Variants in EPG5 observed in about 807,000 individuals in gnomAD.
The protein encoded by EPG5 is ectopic P-granules 5 autophagy tethering factor.
Under a neutral mutation model 302.7 loss-of-function variants are expected in EPG5, and 159 were observed. The observed-to-expected ratio is 0.53, with a 90% CI of 0.46 to 0.60. The LOEUF is 0.60. Ranked by LOEUF, EPG5 falls within the 20% of genes least tolerant of loss-of-function variation. EPG5 has a pLI of 0.00. For synonymous variants in EPG5, 1,158 were observed against 1,136.8 expected (o/e 1.02, Z -0.37); for missense variants, 2,896 against 3,092.4 (o/e 0.94, Z 1.51).
intron 2 of EPG5, among the ~76,000 whole-genome samples, chr18:45,954,164 C>T (rs1428048505): frequency 6.6e-6 from 1 of 152,216 alleles, no homozygotes; most frequent in Admixed American, 6.5e-5. Flanking sequence ...ACGGCTGTCC[C>T]ATCTAAACCA....
At chr18:45,856,703 A>G (rs1014417444) in intron 42 of EPG5, among the ~76,000 whole-genome samples, 10 of 152,246 alleles carry the variant, frequency 6.6e-5, no homozygotes, top group Admixed American at 4.6e-4. Flanking sequence ...AAGTTACAAC[A>G]TCACAATGGG....
Position 45,954,976 on chromosome 18 carries a change from C to T in EPG5, c.426G>A (p.Glu142=), listed in dbSNP as rs2050992874. 1.9e-6 allele frequency: 3 copies of T among 1,614,092 alleles called. No individual in the cohort carries two copies. The highest frequency in any genetic ancestry group is 2.5e-6 in the Non-Finnish European group (3 of 1,180,008). Residue 142 remains glutamate (E), a synonymous_variant, in exon 2 of 44, where the codon GAG becomes GAA. Coordinates refer to ENST00000282041, the MANE Select transcript of EPG5 (RefSeq NM_020964.3). The part of the protein sequence containing the change: ...VETPKNFTEV[E]ENMSVQGGLS... Reference sequence around the variant, plus strand: ...GTCCACCTTGTACCGACATATTTTCCTCTACCTCTGTGAAGTTCTTGGGGG... The same window carrying T: ...GTCCACCTTGTACCGACATATTTTCTTCTACCTCTGTGAAGTTCTTGGGGG...
chr18:45,899,363 A>C, intron 27 of EPG5, 41 bp downstream of exon 27: 2 of 1,609,072 alleles, frequency 1.2e-6, no homozygotes, highest in Non-Finnish European at 1.7e-6. Context: ...TTACGGACTC[A>C]ATTAAAATTC....
At position 45,955,155 on chromosome 18, in the gene EPG5, C is replaced by T. The variant is rs2050999243; in HGVS notation, c.247G>A (p.Val83Ile). The T allele has an allele frequency of 3.7e-6, 6 of 1,614,050 alleles. No individual in the cohort carries two copies. Among genetic ancestry groups the T allele is most frequent in the East Asian group, 2.2e-5 (1 of 44,872 alleles). ...CTTATAGTTAAGGAGGTGAGTGGTACATCAAACATTTCACTCTCATTTTGT... is the reference window on the plus strand; with the variant it reads ...CTTATAGTTAAGGAGGTGAGTGGTATATCAAACATTTCACTCTCATTTTGT... ...SGQNESEMFD[V>I]PLTSLTISNE... The change falls in exon 2 of 44, where the codon GTA (valine) becomes ATA (isoleucine). Residue 83 changes from valine to isoleucine, a missense_variant. By Grantham distance (29) the Val-to-Ile change is conservative. Transcript: ENST00000282041.
At chr18:45,951,428 T>C (rs989806788) in intron 3 of EPG5, among the ~76,000 whole-genome samples, 190 bp from the exon 4 acceptor site, 1 of 151,806 alleles carries the variant, frequency 6.6e-6, no homozygotes, top group African/African-American at 2.4e-5. Flanking sequence ...CTTTGAAGTA[T>C]TTCAAAATAA....
Position 45,955,173 on chromosome 18 carries a change from C to T in EPG5, c.229G>A (p.Glu77Lys). The T allele has an allele frequency of 6.2e-7, 1 of 1,614,130 alleles. No individual in the cohort carries two copies. The highest frequency in any genetic ancestry group is 8.5e-7 in the Non-Finnish European group (1 of 1,180,028). ...AGTGGTACATCAAACATTTCACTCT[C>T]ATTTTGTCCACTGGCATCATCCTGG... ...QLQDDASGQN[E>K]SEMFDVPLTS... The change falls in exon 2 of 44, where the codon GAG becomes AAG. Residue 77 changes from glutamate (E) to lysine (K), a missense_variant. This residue lies in a region of EPG5 where 1,390 missense variants were observed against 1,430.0 expected (regional missense o/e 0.97). Transcript: ENST00000282041.
intron 6 of EPG5, among the ~76,000 whole-genome samples, chr18:45,947,784 T>C (rs1179160347): frequency 6.6e-6 from 1 of 152,128 alleles, no homozygotes; most frequent in Non-Finnish European, 1.5e-5. Flanking sequence ...TCTTTTTTTT[T>C]TTCTTTCAGT....
chr18:45,840,053 G>A, the EPG5 span, among the ~76,000 whole-genome samples: 1 of 152,190 alleles, frequency 6.6e-6, no homozygotes, highest in Non-Finnish European at 1.5e-5. Context: ...TCCCCAGCAG[G>A]GTTCCATGGC....
intron 9 of EPG5, among the ~76,000 whole-genome samples, 186 bp downstream of exon 9, chr18:45,942,975 C>T (rs565651397): frequency 6.6e-6 from 1 of 152,202 alleles, no homozygotes; most frequent in Non-Finnish European, 1.5e-5. Context: ...AGATAATTAA[C>T]GAAATACTCT....
chr18:45,941,704 C>T (rs960572318), intron 9 of EPG5, among the ~76,000 whole-genome samples: 3 of 152,204 alleles, frequency 2.0e-5, no homozygotes. Flanking sequence ...TCCTGGCATA[C>T]AGTAAGCACG....
intron 4 of EPG5, 53 bp downstream of exon 4, chr18:45,951,049 A>T: frequency 7.4e-7 from 1 of 1,358,472 alleles, no homozygotes; most frequent in African/African-American, 1.5e-5. Flanking sequence ...GATAATTCCT[A>T]AATTATGAAA....
At chr18:45,813,336 A>G in the EPG5 span, among the ~76,000 whole-genome samples, 2 of 152,186 alleles carry the variant, frequency 1.3e-5, no homozygotes, top group African/African-American at 4.8e-5. Flanking sequence ...AACTAGTTCA[A>G]CCCTTGTGGA....
At chr18:45,876,086 C>T in intron 35 of EPG5, 150 bp downstream of exon 35, 1 of 581,626 alleles carries the variant, frequency 1.7e-6, no homozygotes, top group Non-Finnish European at 3.0e-6. Context: ...AAGTTACACA[C>T]TTAACACTAA....
At chr18:45,923,567 G>C (rs1272826509) in intron 14 of EPG5, among the ~76,000 whole-genome samples, 180 bp from the exon 15 acceptor site, 1 of 152,104 alleles carries the variant, frequency 6.6e-6, no homozygotes, top group Non-Finnish European at 1.5e-5. Flanking sequence ...AAACTGTCAA[G>C]GGCAATAACA....
chr18:45,880,215 C>A lies in EPG5; in HGVS notation c.5527G>T (p.Glu1843Ter). The change falls in exon 32 of 44, where the codon GAG becomes TAG. Residue 1843 changes from glutamate (E) to a stop codon, truncating the protein, a stop_gained. Coordinates refer to ENST00000282041, the MANE Select transcript of EPG5 (RefSeq NM_020964.3). LOFTEE classifies it high-confidence loss of function. The part of the protein sequence containing the change: ...ILRLLMQSSA[E>*]QLLSPECWKA... ...CAACACTCGGGGCTCAGAAGCTGCT[C>A]CGCGGAGCCTGCCAGCAGGGACAGG... is the stretch of plus-strand genomic sequence containing the variant. 6.3e-7 allele frequency: 1 copy of A among 1,595,462 alleles called. No homozygotes were observed. Among genetic ancestry groups the A allele is most frequent in the Non-Finnish European group, 8.6e-7 (1 of 1,169,484 alleles).
intron 1 of EPG5, among the ~76,000 whole-genome samples, chr18:45,966,409 T>C (rs1019845434): frequency 2.6e-5 from 4 of 151,488 alleles, no homozygotes; most frequent in East Asian, 1.9e-4. Context: ...TACATATATA[T>C]ACACACACAC....
At chr18:45,895,559 G>C (rs1315499005) in intron 27 of EPG5, among the ~76,000 whole-genome samples, 1 of 152,178 alleles carries the variant, frequency 6.6e-6, no homozygotes, top group East Asian at 1.9e-4. Flanking sequence ...GATGTCATAT[G>C]AAGAAGAGAA....
At chr18:45,931,865 A>T (rs1034357492) in intron 11 of EPG5, among the ~76,000 whole-genome samples, 2 of 150,606 alleles carry the variant, frequency 1.3e-5, no homozygotes, top group Admixed American at 6.6e-5. Context: ...ATTAAATTAA[A>T]TATATACATA....
At chr18:45,847,547 T>G (rs2033883131), downstream of EPG5, 1 of 152,406 alleles carries the variant, frequency 6.6e-6, no homozygotes, top group Non-Finnish European at 1.5e-5. Context: ...CTTATTGTGG[T>G]TTAATGTATG....
Sources: allele counts gnomAD v4.1 joint callset (sites outside exome capture counted in the v4.1 genomes callset), GRCh38; gene constraint gnomAD v4.1.1; regional missense constraint gnomAD v4.1.1; transcripts MANE v1.5; gene names NCBI Gene and HGNC (gene_info 2026-07-23, HGNC 2026-07-21).